PCDHGB4: variants seen among roughly 807,000 people sequenced by gnomAD.
PCDHGB4 encodes the protein protocadherin gamma-B4.
Under a neutral mutation model 60.5 loss-of-function variants are expected in PCDHGB4, and 38 were observed. The observed-to-expected ratio is 0.63, with a 90% CI of 0.48 to 0.82. PCDHGB4 has a LOEUF of 0.82. Among genes scored for constraint, PCDHGB4 ranks in the 40% least tolerant of loss-of-function variants. The pLI, the probability that PCDHGB4 is intolerant of heterozygous loss-of-function variation, is 0.00. For synonymous variants in PCDHGB4, 456 were observed against 509.7 expected (o/e 0.89, Z 1.42); for missense variants, 1,109 against 1,209.6 (o/e 0.92, Z 1.23).
At chr5:141,390,553 A>G in intron 1 of PCDHGB4, 3 of 476,468 alleles carry the variant, frequency 6.3e-6, no homozygotes, top group Non-Finnish European at 1.1e-5. Context: ...TGAAAGTGTT[A>G]GACAGTTGTT....
In PCDHGB4 at chr5:141,489,104, A is replaced by C; in HGVS notation, c.2398-5703A>C. The stretch of plus-strand genomic sequence containing the variant: ...CCACTCGGTGACTAAGAACTGCTGC[A>C]AGCAGGCAAACCTCCGAGCAGTTTT... On this transcript the variant is annotated intron_variant, in intron 1 of 3. Coordinates refer to ENST00000519479, the MANE Select transcript of PCDHGB4 (RefSeq NM_003736.4). The surrounding 1 kb of genome is among the most constrained non-coding windows in gnomAD (Gnocchi z 4.5). 2.5e-6 allele frequency: 1 copy of C among 405,816 alleles called. No individual in the cohort carries two copies. Among genetic ancestry groups the C allele is most frequent in the Non-Finnish European group, 4.3e-6 (1 of 232,372 alleles). 25.1% of individuals were successfully genotyped at this position (405,816 alleles called of 1,614,324 possible). A position where few individuals can be genotyped will look rare whatever the true frequency, so the allele number is the denominator to read the frequency against.
chr5:141,431,146 T>G lies in PCDHGB4; in HGVS notation c.2397+40865T>G. On this transcript the variant is annotated intron_variant, in intron 1 of 3. Coordinates refer to ENST00000519479, the MANE Select transcript of PCDHGB4 (RefSeq NM_003736.4). The surrounding 1 kb of genome is among the most constrained non-coding windows in gnomAD (Gnocchi z 4.8). The stretch of plus-strand genomic sequence containing the variant: ...TAGAAGTAAGGGACATTAACGACAA[T>G]GCGCCTTACTTTCGTGAAAGTGAAT... 6.2e-7 allele frequency: 1 copy of G among 1,614,124 alleles called. No individual in the cohort carries two copies. Among genetic ancestry groups the G allele is most frequent in the African/African-American group, 1.3e-5 (1 of 75,022 alleles).
chr5:141,422,800 C>T, intron 1 of PCDHGB4: 1 of 1,614,214 alleles, frequency 6.2e-7, no homozygotes, highest in Non-Finnish European at 8.5e-7. Context: ...CGACTATGAG[C>T]AGTTTCGAGA....
chr5:141,432,452 C>G lies in PCDHGB4; in HGVS notation c.2397+42171C>G. The G allele has an allele frequency of 6.2e-7, 1 of 1,614,212 alleles. No individual in the cohort carries two copies. The highest frequency in any genetic ancestry group is 8.5e-7 in the Non-Finnish European group (1 of 1,180,042). On this transcript the variant is annotated intron_variant, in intron 1 of 3. Coordinates refer to ENST00000519479, the MANE Select transcript of PCDHGB4 (RefSeq NM_003736.4). The surrounding 1 kb of genome is among the most constrained non-coding windows in gnomAD (Gnocchi z 6.0). ...CGACAATGCGCCCGAGATCCTGTACCCCGCCCTCCCCACGGACGGTTCCAC... is the reference window on the plus strand; with the variant it reads ...CGACAATGCGCCCGAGATCCTGTACGCCGCCCTCCCCACGGACGGTTCCAC...
At chr5:141,430,078 T>A (rs911861599) in intron 1 of PCDHGB4, among the ~76,000 whole-genome samples, 2 of 152,282 alleles carry the variant, frequency 1.3e-5, no homozygotes, top group Admixed American at 1.3e-4. Context: ...TTCCATAATA[T>A]CATGAAAATT....
At chr5:141,404,000 A>G (rs758512396) in intron 1 of PCDHGB4, 1 of 1,613,956 alleles carries the variant, frequency 6.2e-7, no homozygotes. Flanking sequence ...AGTGACCATT[A>G]CATCTCTGTT....
At chr5:141,428,606 A>G (rs1270096118) in intron 1 of PCDHGB4, 4 of 216,044 alleles carry the variant, frequency 1.9e-5, no homozygotes, top group Admixed American at 1.6e-4. Context: ...TTCACTGAAG[A>G]GAATAACAAG....
Position 141,477,833 on chromosome 5 carries a change from G to C in PCDHGB4, c.2398-16974G>C. Reference sequence around the variant, plus strand: ...CCCCCAGGTCCTATATCCTCGGCCAGGTGGGAGCTCGGTGGAGATGCTGCC... The same window carrying C: ...CCCCCAGGTCCTATATCCTCGGCCACGTGGGAGCTCGGTGGAGATGCTGCC... On this transcript the variant is annotated intron_variant, in intron 1 of 3. Transcript: ENST00000519479. This position sits in a 1 kb window ranked among gnomAD's most constrained non-coding sequence, Gnocchi z 4.9. The C allele has an allele frequency of 6.2e-7, 1 of 1,614,174 alleles. No individual in the cohort carries two copies.
At chr5:141,423,499 G>T (rs1590485367) in intron 1 of PCDHGB4, 1 of 1,613,966 alleles carries the variant, frequency 6.2e-7, no homozygotes, top group Non-Finnish European at 8.5e-7. Context: ...TTCCCACGAG[G>T]TCTCTCTCAT....
chr5:141,491,932 G>A lies in PCDHGB4; in HGVS notation c.2398-2875G>A. Reference sequence around the variant, plus strand: ...GGCGACTGTGGGCGAGGGGAGGTGGGACCGACCCCCACCCCTACACTCAAA... The same window carrying A: ...GGCGACTGTGGGCGAGGGGAGGTGGAACCGACCCCCACCCCTACACTCAAA... On this transcript the variant is annotated intron_variant, in intron 1 of 3. Transcript: ENST00000519479. This position sits in a 1 kb window ranked among gnomAD's most constrained non-coding sequence, Gnocchi z 6.9. 1 of 1,259,014 alleles carries A rather than the reference G, an allele frequency of 7.9e-7. No homozygotes were observed. The highest frequency in any genetic ancestry group is 1.1e-6 in the Non-Finnish European group (1 of 926,048). The allele number at this position is 1,259,014 out of a possible 1,614,324, so 78.0% of individuals were successfully genotyped here. A position where few individuals can be genotyped will look rare whatever the true frequency, so the allele number is the denominator to read the frequency against.
At chr5:141,419,644 C>T (rs867285747) in intron 1 of PCDHGB4, 1 of 1,612,514 alleles carries the variant, frequency 6.2e-7, no homozygotes, top group Middle Eastern at 1.7e-4. Context: ...TGGCCGTGGA[C>T]GCGGACTCGG....
chr5:141,391,560 T>C (rs981712066), intron 1 of PCDHGB4: 2 of 152,242 alleles, frequency 1.3e-5, no homozygotes, highest in African/African-American at 4.8e-5. Context: ...GTTTTCCATA[T>C]GCATAAGAAA....
intron 1 of PCDHGB4, chr5:141,395,039 T>A: frequency 6.2e-7 from 1 of 1,614,020 alleles, no homozygotes; most frequent in Non-Finnish European, 8.5e-7. Context: ...ATTTTGTGGG[T>A]GTTGAGGAGG....
chr5:141,410,140 G>GCGTGA, intron 1 of PCDHGB4: 1 of 1,612,782 alleles, frequency 6.2e-7, no homozygotes, highest in Non-Finnish European at 8.5e-7. Flanking sequence ...TGGTCGCTGT[G>GCGTGA]CGTGACGGTG....
Position 141,390,111 on chromosome 5 carries a change from G to C in PCDHGB4, c.2227G>C (p.Glu743Gln), listed in dbSNP as rs2092051894. 3.1e-6 allele frequency: 5 copies of C among 1,614,054 alleles called. No homozygotes were observed. The highest frequency in any genetic ancestry group is 4.2e-6 in the Non-Finnish European group (5 of 1,179,900). ...ATCCGTGGTTCCCCCCAACTACAGC[G>C]AGGGGACTTTGCCTTATTCCTACAA... is the stretch of plus-strand genomic sequence containing the variant. ...SESVVPPNYSEGTLPYSYNLC... is the reference protein window; with the variant it reads ...SESVVPPNYSQGTLPYSYNLC... The change falls in exon 1 of 4, where the codon GAG becomes CAG. Residue 743 changes from glutamate (E) to glutamine (Q), a missense_variant. Transcript: ENST00000519479.
chr5:141,457,270 T>C (rs1338894991), intron 1 of PCDHGB4, among the ~76,000 whole-genome samples: 2 of 152,234 alleles, frequency 1.3e-5, no homozygotes. Flanking sequence ...TTCCCCTCTG[T>C]GGGCCTACGA....
At chr5:141,468,428 T>C (rs936671539) in intron 1 of PCDHGB4, 11 of 151,374 alleles carry the variant, frequency 7.3e-5, no homozygotes, top group Non-Finnish European at 1.3e-4. Context: ...AGCAAGGTAA[T>C]AGCAAAATGT....
rs918375556 is a variant in PCDHGB4, at chr5:141,489,318, G to C, written c.2398-5489G>C. 6.3e-7 allele frequency: 1 copy of C among 1,598,974 alleles called. No individual in the cohort carries two copies. Among genetic ancestry groups the C allele is most frequent in the African/African-American group, 1.3e-5 (1 of 74,510 alleles). On this transcript the variant is annotated intron_variant, in intron 1 of 3. Coordinates refer to ENST00000519479, the MANE Select transcript of PCDHGB4 (RefSeq NM_003736.4). The surrounding 1 kb of genome is among the most constrained non-coding windows in gnomAD (Gnocchi z 4.5). ...TGTTGTCCTTGTGCTGCTGGGGCTG[G>C]GTGTCTGGGCAGCTTCGTTACTCAG...
chr5:141,414,087 A>G (rs377653676), intron 1 of PCDHGB4: 31 of 1,599,656 alleles, frequency 1.9e-5, no homozygotes, highest in Middle Eastern at 3.3e-4. Context: ...ATACTGGAGA[A>G]ATAAAAATAT....
Sources: allele counts gnomAD v4.1 joint callset (sites outside exome capture counted in the v4.1 genomes callset), GRCh38; gene constraint gnomAD v4.1.1; non-coding constraint Gnocchi (gnomAD v3.1); transcripts MANE v1.5; gene names NCBI Gene and HGNC (gene_info 2026-07-23, HGNC 2026-07-21).